Variants in RPL11 observed in about 807,000 individuals in gnomAD.
RPL11 encodes the protein large ribosomal subunit protein uL5.
RPL11 carries 3 observed loss-of-function variants against 24.1 expected under a neutral mutation model. The ratio of observed to expected loss-of-function variants is 0.12; its 90% CI spans 0.06 to 0.32. The LOEUF is 0.32. RPL11 is among the 10% of genes least tolerant of loss of function. The pLI, the probability that RPL11 is intolerant of heterozygous loss-of-function variation, is 1.00. For synonymous variants in RPL11, 96 were observed against 75.7 expected (o/e 1.27, Z -1.39); for missense variants, 146 against 225.7 (o/e 0.65, Z 2.26).
At chr1:23,692,834 GTC>G in intron 2 of RPL11, 75 bp downstream of exon 2, 5 of 1,587,338 alleles carry the variant, frequency 3.1e-6, no homozygotes, top group Non-Finnish European at 4.3e-6. Flanking sequence ...CTGCTGTCGA[GTC>G]TGTTTAGAAA....
intron 2 of RPL11, among the ~76,000 whole-genome samples, 180 bp from the exon 3 acceptor site, chr1:23,693,626 TC>T (rs140160299): frequency 0.016 from 2,401 of 152,292 alleles, 61 homozygotes; most frequent in African/African-American, 0.054. Context: ...AATGGGAAAA[TC>T]TGTGCTGTGG....
chr1:23,693,976 A>C, intron 3 of RPL11, 63 bp downstream of exon 3: 2 of 1,176,678 alleles, frequency 1.7e-6, no homozygotes, highest in South Asian at 2.5e-5. Context: ...CATGTAGATA[A>C]GTTACATTTA....
rs746205322 is a variant in RPL11, at chr1:23,696,423, C to G, written c.*50C>G. On this transcript the variant is annotated 3_prime_UTR_variant, in exon 6 of 6. Transcript: ENST00000643754. ...AATAAAAAGTTTTCAGTGAAATGTG[C>G]AATTCTGTTGTGTGTTCTGTGAAAG... 1.4e-5 allele frequency: 22 copies of G among 1,566,090 alleles called. No individual in the cohort carries two copies. Among genetic ancestry groups the G allele is most frequent in the Non-Finnish European group, 1.9e-5 (22 of 1,136,854 alleles).
At position 23,696,421 on chromosome 1, in the gene RPL11, T is replaced by C. The variant is rs779402336; in HGVS notation, c.*48T>C. 5 of 1,571,660 alleles carry C rather than the reference T, an allele frequency of 3.2e-6. No homozygotes were observed. The African/African-American group carries it at 6.8e-5, about 21-fold the overall frequency. ...GCAATAAAAAGTTTTCAGTGAAATG[T>C]GCAATTCTGTTGTGTGTTCTGTGAA... On this transcript the variant is annotated 3_prime_UTR_variant, in exon 6 of 6. Transcript: ENST00000643754.
intron 1 of RPL11, 89 bp downstream of exon 1, chr1:23,691,918 G>C (rs1443939373): frequency 6.5e-7 from 1 of 1,548,414 alleles, no homozygotes; most frequent in African/African-American, 1.4e-5. Flanking sequence ...CCCGCAGCCC[G>C]AGGAATATGG....
At chr1:23,694,012 A>G in intron 3 of RPL11, 99 bp downstream of exon 3, 1 of 918,502 alleles carries the variant, frequency 1.1e-6, no homozygotes, top group Non-Finnish European at 1.8e-6. Context: ...GTGTCTTGAT[A>G]TTTATTTACT....
At chr1:23,692,563 G>T in intron 1 of RPL11, 46 bp from the exon 2 acceptor site, 1 of 1,612,890 alleles carries the variant, frequency 6.2e-7, no homozygotes, top group South Asian at 1.1e-5. Flanking sequence ...TAAAACTCAG[G>T]GCCCTCAGCT....
chr1:23,693,817 T>G lies in RPL11; in HGVS notation c.168T>G (p.Thr56=), dbSNP rs111844227. ...QTPVFSKARY[T]VRSFGIRRNE... ...ACCCACTTCCTGCAGCTAGATACAC[T>G]GTCAGATCCTTTGGCATCCGGAGAA... The change falls in exon 3 of 6, where the codon ACT becomes ACG. Residue 56 remains threonine, a synonymous_variant. Transcript: ENST00000643754. 3 of 1,614,030 alleles carry G rather than the reference T, an allele frequency of 1.9e-6. No individual in the cohort carries two copies. In the Admixed American group the frequency reaches 5.0e-5, roughly 27 times the overall value.
intron 1 of RPL11, chr1:23,692,338 G>T: frequency 2.1e-6 from 1 of 469,336 alleles, no homozygotes. Flanking sequence ...TTGTTACCCT[G>T]AGCCTCTTAG....
rs1644501264 is a variant in RPL11, at chr1:23,691,839, TG to T, written c.6+13del. ...GCTCTCCATCATGGCGGTGAGTAGC[TG>T]GGACCTGGATTTGCTTTCCTTTATC... On this transcript the variant is annotated intron_variant, in intron 1 of 5. Coordinates refer to ENST00000643754, the MANE Select transcript of RPL11 (RefSeq NM_000975.5). The T allele has an allele frequency of 2.5e-6, 4 of 1,614,138 alleles. No individual in the cohort carries two copies. Among genetic ancestry groups the T allele is most frequent in the Non-Finnish European group, 3.4e-6 (4 of 1,180,048 alleles).
chr1:23,692,100 G>T, intron 1 of RPL11: 1 of 580,762 alleles, frequency 1.7e-6, no homozygotes, highest in South Asian at 2.0e-5. Context: ...GTGAATGGAG[G>T]GTTCTGAGGC....
rs563555270 is a variant in RPL11 at position 23,691,848 on chromosome 1, G to A, written c.6+19G>A. ...CATGGCGGTGAGTAGCTGGGACCTG[G>A]ATTTGCTTTCCTTTATCCGTCGCCA... On this transcript the variant is annotated intron_variant, in intron 1 of 5. Transcript: ENST00000643754. 1 of 1,614,116 alleles carries A rather than the reference G, an allele frequency of 6.2e-7. No homozygotes were observed. The highest frequency in any genetic ancestry group is 1.1e-5 in the South Asian group (1 of 91,092).
chr1:23,696,371 T>TA lies in RPL11; in HGVS notation c.*1dup. 6.2e-7 allele frequency: 1 copy of TA among 1,613,914 alleles called. No homozygotes were observed. The part of the protein sequence containing the change: ...KYDGIILPGK[*] The stretch of plus-strand genomic sequence containing the variant: ...TGATGGGATCATCCTTCCTGGCAAA[T>TA]AAATTCCCGTTTCTATCCAAAAGAG... Residue 179 remains the stop codon, a frameshift_variant and stop_retained_variant, in exon 6 of 6, where the codon TAA becomes TAAA. Transcript: ENST00000643754. LOFTEE classifies it high-confidence loss of function.
At chr1:23,694,113 C>T (rs535539773) in intron 3 of RPL11, among the ~76,000 whole-genome samples, 200 bp downstream of exon 3, 1 of 152,194 alleles carries the variant, frequency 6.6e-6, no homozygotes, top group Non-Finnish European at 1.5e-5. Context: ...GGTGGCTCAA[C>T]GCCTGTAATC....
At chr1:23,691,797 C>T (rs1330838294), upstream of RPL11, 2 of 1,614,242 alleles carry the variant, frequency 1.2e-6, no homozygotes, top group Non-Finnish European at 1.7e-6. Flanking sequence ...CGGCCGGAAG[C>T]TCCGCTTTCT....
chr1:23,696,524 C>A lies in RPL11; in HGVS notation c.*151C>A. ...TGGGAGTAGCTGGTAACAACCCCGTCATCCTCTGATTGGATGCCAGTATTT... is the reference window on the plus strand; with the variant it reads ...TGGGAGTAGCTGGTAACAACCCCGTAATCCTCTGATTGGATGCCAGTATTT... On this transcript the variant is annotated 3_prime_UTR_variant, in exon 6 of 6. Coordinates refer to ENST00000643754, the MANE Select transcript of RPL11 (RefSeq NM_000975.5). The A allele has an allele frequency of 1.4e-6, 1 of 739,804 alleles. No individual in the cohort carries two copies. The highest frequency in any genetic ancestry group is 2.4e-6 in the Non-Finnish European group (1 of 416,160). The allele number at this position is 739,804 out of a possible 1,614,324, so 45.8% of individuals were successfully genotyped here. A position where few individuals can be genotyped will look rare whatever the true frequency, so the allele number is the denominator to read the frequency against.
Position 23,696,332 on chromosome 1 carries a change from C to CT in RPL11, c.508-10dup. ...CTCCTGTTCTGAAAAAATTAAATCTCTTCTCTTTCAGTATGATGGGATCAT... is the reference window on the plus strand; with the variant it reads ...CTCCTGTTCTGAAAAAATTAAATCTCTTTCTCTTTCAGTATGATGGGATCAT... On this transcript the variant is annotated splice_polypyrimidine_tract_variant and intron_variant, in intron 5 of 5. Coordinates refer to ENST00000643754, the MANE Select transcript of RPL11 (RefSeq NM_000975.5). 6.2e-7 allele frequency: 1 copy of CT among 1,613,870 alleles called. No homozygotes were observed. The highest frequency in any genetic ancestry group is 8.5e-7 in the Non-Finnish European group (1 of 1,179,788).
chr1:23,695,427 AAT>A (rs763653329), intron 4 of RPL11: 6 of 302,500 alleles, frequency 2.0e-5, no homozygotes, highest in Admixed American at 4.6e-5. Context: ...GAAGGAAGAA[AAT>A]ATATATATTT....
intron 1 of RPL11, chr1:23,692,138 C>T: frequency 1.9e-6 from 1 of 539,922 alleles, no homozygotes; most frequent in Non-Finnish European, 3.3e-6. Context: ...TTCCTGGTCC[C>T]GGGGACTTGA....
Sources: allele counts gnomAD v4.1 joint callset (sites outside exome capture counted in the v4.1 genomes callset), GRCh38; gene constraint gnomAD v4.1.1; transcripts MANE v1.5; gene names NCBI Gene and HGNC (gene_info 2026-07-23, HGNC 2026-07-21).